The following GOLIM4 variants were observed in gnomAD, a reference collection of about 807,000 sequenced individuals.
The protein encoded by GOLIM4 is golgi integral membrane protein 4.
Under a neutral mutation model 107.4 loss-of-function variants are expected in GOLIM4, and 71 were observed. That is an observed-to-expected ratio of 0.66 (90% CI 0.55 to 0.81). The LOEUF is 0.81. Ranked by LOEUF, GOLIM4 falls within the 30% of genes least tolerant of loss-of-function variation. The pLI, the probability that GOLIM4 is intolerant of heterozygous loss-of-function variation, is 0.00. For missense variants in GOLIM4, 830 were observed against 826.1 expected, an observed-to-expected ratio of 1.00 and a Z score of -0.06; for synonymous variants, 327 against 294.8, an observed-to-expected ratio of 1.11 and a Z score of -1.12.
At chr3:168,051,869 A>T (rs755999253) in intron 1 of GOLIM4, among the ~76,000 whole-genome samples, 3 of 152,192 alleles carry the variant, frequency 2.0e-5, no homozygotes, top group Admixed American at 6.5e-5. Context: ...CACCAGGCTC[A>T]AGAAAAGAAT....
chr3:168,036,908 A>C lies in GOLIM4; in HGVS notation c.771T>G (p.Asn257Lys), dbSNP rs769012974. 1 of 1,612,664 alleles carries C rather than the reference A, an allele frequency of 6.2e-7. No homozygotes were observed. Among genetic ancestry groups the C allele is most frequent in the Middle Eastern group, 1.7e-4 (1 of 6,058 alleles). ...LRKPDPAEQQNVTQVAHSPQG... is the reference protein window; with the variant it reads ...LRKPDPAEQQKVTQVAHSPQG... ...GTGGAGAATGTGCCACCTGGGTCAC[A>C]TTTTGCTGTTCTGCTGGATCAGGTT... Residue 257 changes from asparagine to lysine, a missense_variant, in exon 8 of 16, where the codon AAT (asparagine) becomes AAG (lysine). Physicochemically the swap from Asn to Lys is moderately conservative, Grantham distance 94. Coordinates refer to ENST00000470487, the MANE Select transcript of GOLIM4 (RefSeq NM_014498.5).
intron 9 of GOLIM4, among the ~76,000 whole-genome samples, chr3:168,031,043 C>T (rs1393144794): frequency 6.6e-6 from 1 of 152,142 alleles, no homozygotes; most frequent in Non-Finnish European, 1.5e-5. Context: ...TTGTCATACG[C>T]AGTGACATGG....
chr3:168,045,354 G>T (rs1448801972), intron 3 of GOLIM4, among the ~76,000 whole-genome samples: 3 of 152,136 alleles, frequency 2.0e-5, no homozygotes, highest in Non-Finnish European at 4.4e-5. Context: ...AACTTCAGCG[G>T]GTAAGAAATT....
At chr3:168,011,780 G>A (rs1186679824) in intron 14 of GOLIM4, among the ~76,000 whole-genome samples, 3 of 134,332 alleles carry the variant, frequency 2.2e-5, no homozygotes, top group South Asian at 2.1e-4. Context: ...CCCAGCAGGA[G>A]CACACTGACA....
chr3:168,094,781 GC>G (rs1722078663), intron 1 of GOLIM4, among the ~76,000 whole-genome samples: 1 of 152,222 alleles, frequency 6.6e-6, no homozygotes, highest in Admixed American at 6.5e-5. Context: ...CAGTTTCCCT[GC>G]CCCGATTGCA....
chr3:168,064,900 A>C (rs922138713), intron 1 of GOLIM4, among the ~76,000 whole-genome samples: 6 of 152,124 alleles, frequency 3.9e-5, no homozygotes, highest in Admixed American at 3.3e-4. Flanking sequence ...TATTCATAGA[A>C]TTTAGATTAA....
At chr3:168,044,670 C>T (rs1018220983) in intron 4 of GOLIM4, among the ~76,000 whole-genome samples, 158 bp downstream of exon 4, 2 of 152,006 alleles carry the variant, frequency 1.3e-5, no homozygotes, top group Non-Finnish European at 2.9e-5. Context: ...GCCATTACAA[C>T]TATATATAAT....
At chr3:168,020,872 G>T (rs1717641196) in intron 14 of GOLIM4, among the ~76,000 whole-genome samples, 1 of 152,176 alleles carries the variant, frequency 6.6e-6, no homozygotes, top group African/African-American at 2.4e-5. Context: ...TGATATGGAG[G>T]TTCTAACTGA....
intron 1 of GOLIM4, among the ~76,000 whole-genome samples, chr3:168,062,709 A>C (rs1720338243): frequency 6.6e-6 from 1 of 152,174 alleles, no homozygotes; most frequent in African/African-American, 2.4e-5. Context: ...TTGCAGGAAA[A>C]GGGGAACCTC....
Position 168,044,818 on chromosome 3 carries a change from G to T in GOLIM4, c.366+10C>A. 6.8e-7 allele frequency: 1 copy of T among 1,464,266 alleles called. No individual in the cohort carries two copies. Among genetic ancestry groups the T allele is most frequent in the Non-Finnish European group, 9.4e-7 (1 of 1,059,868 alleles). 90.7% of individuals were successfully genotyped at this position (1,464,266 alleles called of 1,614,324 possible). On this transcript the variant is annotated intron_variant, in intron 4 of 15. Transcript: ENST00000470487. Reference sequence around the variant, plus strand: ...CTTTTATTCATAAATAACAACTTTAGATTACTCACTTTCAACATCTGATGT... The same window carrying T: ...CTTTTATTCATAAATAACAACTTTATATTACTCACTTTCAACATCTGATGT...
At chr3:168,052,460 T>C (rs1300342954) in intron 1 of GOLIM4, among the ~76,000 whole-genome samples, 1 of 152,070 alleles carries the variant, frequency 6.6e-6, no homozygotes, top group Non-Finnish European at 1.5e-5. Flanking sequence ...GGCAATGACA[T>C]TGGTCTCAGT....
At chr3:168,011,191 A>G (rs57669196) in intron 14 of GOLIM4, among the ~76,000 whole-genome samples, 21,441 of 140,900 alleles carry the variant, frequency 0.15, 4,283 homozygotes, top group African/African-American at 0.47. Flanking sequence ...TGCGCGCACC[A>G]TGCGCGAGCC....
intron 1 of GOLIM4, among the ~76,000 whole-genome samples, chr3:168,094,884 CT>C (rs768403644): frequency 9.1e-4 from 138 of 152,322 alleles, no homozygotes; most frequent in Non-Finnish European, 1.7e-3. Context: ...CTACGAAGTT[CT>C]AAACCTAACC....
At chr3:168,094,319 T>C (rs1722049683) in intron 1 of GOLIM4, among the ~76,000 whole-genome samples, 1 of 152,262 alleles carries the variant, frequency 6.6e-6, no homozygotes, top group Non-Finnish European at 1.5e-5. Flanking sequence ...GGGTTTGCTG[T>C]GCATGGCAAA....
chr3:168,027,826 C>G lies in GOLIM4; in HGVS notation c.1525G>C (p.Asp509His). Residue 509 changes from aspartate to histidine, a missense_variant, in exon 12 of 16, where the codon GAC (aspartate) becomes CAC (histidine). Transcript: ENST00000470487. ...TCTGCTTCATCTTGGTGCTGGTTGT[C>G]TCTTTCATAGGCTAGCAAATCAAAG... ...IQGEEGAYER[D>H]NQHQDEAEGD... is the part of the protein sequence containing the mutation. 1 of 1,606,594 alleles carries G rather than the reference C, an allele frequency of 6.2e-7. No individual in the cohort carries two copies. The highest frequency in any genetic ancestry group is 8.5e-7 in the Non-Finnish European group (1 of 1,173,252).
intron 14 of GOLIM4, among the ~76,000 whole-genome samples, chr3:168,023,772 T>C (rs1424903187): frequency 1.3e-5 from 2 of 152,174 alleles, no homozygotes; most frequent in Non-Finnish European, 2.9e-5. Flanking sequence ...TTGCAGTTGT[T>C]TATGCAGCGG....
chr3:168,046,454 C>A (rs576597772), intron 3 of GOLIM4, among the ~76,000 whole-genome samples: 1 of 152,100 alleles, frequency 6.6e-6, no homozygotes, highest in African/African-American at 2.4e-5. Context: ...TGCGGCCTTC[C>A]GCAGTGTCTG....
chr3:168,027,737 A>T lies in GOLIM4; in HGVS notation c.1614T>A (p.Ser538=). ...EQGPREADPE[S]EADRAAVEDI... is the part of the protein sequence containing the mutation. ...AAGAGAGGATACTTACATCTGCCTC[A>T]GATTCTGGGTCGGCTTCTCGGGGTC... The change falls in exon 12 of 16, where the codon TCT becomes TCA. Residue 538 remains serine, a synonymous_variant. Transcript: ENST00000470487. 6.3e-7 allele frequency: 1 copy of T among 1,594,234 alleles called. No individual in the cohort carries two copies. The highest frequency in any genetic ancestry group is 8.6e-7 in the Non-Finnish European group (1 of 1,162,056).
intron 11 of GOLIM4, 63 bp downstream of exon 11, chr3:168,029,160 T>G (rs1718167932): frequency 9.3e-7 from 1 of 1,077,512 alleles, no homozygotes; most frequent in Non-Finnish European, 1.4e-6. Context: ...ATTGGCTCAC[T>G]GATAATATAC....
Sources: allele counts gnomAD v4.1 joint callset (sites outside exome capture counted in the v4.1 genomes callset), GRCh38; gene constraint gnomAD v4.1.1; transcripts MANE v1.5; gene names NCBI Gene and HGNC (gene_info 2026-07-23, HGNC 2026-07-21).